The following SUPT3H variants were observed in gnomAD, a reference collection of about 807,000 sequenced individuals.
The protein encoded by SUPT3H is SPT3 homolog, SAGA and STAGA complex component, also known as transcription initiation protein SPT3 homolog.
SUPT3H carries 44 observed loss-of-function variants against 44.3 expected under a neutral mutation model. The observed-to-expected ratio is 0.99, with a 90% CI of 0.78 to 1.28. SUPT3H has a LOEUF of 1.28. Ranked by LOEUF, SUPT3H falls within the 50% of genes most tolerant of loss-of-function variation. The pLI is 0.00. For synonymous variants in SUPT3H, 124 were observed against 125.6 expected (o/e 0.99, Z 0.09); for missense variants, 380 against 387.1 (o/e 0.98, Z 0.15).
chr6:45,223,976 A>C (rs1048549437), intron 2 of SUPT3H, among the ~76,000 whole-genome samples: 1 of 149,152 alleles, frequency 6.7e-6, no homozygotes, highest in Non-Finnish European at 1.5e-5. Flanking sequence ...AAGCCTTAAT[A>C]AAATATATCT....
chr6:45,170,820 G>C (rs1810648412), intron 2 of SUPT3H, among the ~76,000 whole-genome samples: 1 of 152,076 alleles, frequency 6.6e-6, no homozygotes, highest in South Asian at 2.1e-4. Context: ...AAGAATGCTA[G>C]CATAATTTCT....
At chr6:45,063,215 C>A (rs375910907) in intron 3 of SUPT3H, among the ~76,000 whole-genome samples, 1 of 143,846 alleles carries the variant, frequency 7.0e-6, no homozygotes, top group African/African-American at 2.7e-5. Flanking sequence ...ACACCTCACA[C>A]GGCAGGGTAT....
At chr6:44,818,376 T>A (rs918137278) in intron 11 of SUPT3H, among the ~76,000 whole-genome samples, 2 of 151,878 alleles carry the variant, frequency 1.3e-5, no homozygotes, top group Non-Finnish European at 2.9e-5. Context: ...AAAGAAAACA[T>A]AGGAGAAAGA....
chr6:45,023,790 A>G (rs1400400231), intron 3 of SUPT3H, among the ~76,000 whole-genome samples: 1 of 152,166 alleles, frequency 6.6e-6, no homozygotes, highest in Non-Finnish European at 1.5e-5. Flanking sequence ...AGAAGAAAGG[A>G]TAACTCTTGG....
intron 2 of SUPT3H, among the ~76,000 whole-genome samples, chr6:45,313,760 G>A (rs1784316229): frequency 6.6e-6 from 1 of 151,436 alleles, no homozygotes; most frequent in Non-Finnish European, 1.5e-5. Context: ...CCACAAGATA[G>A]AGAAAGAGGG....
intron 3 of SUPT3H, chr6:45,098,530 A>T (rs1798109905): frequency 4.0e-6 from 1 of 251,866 alleles, no homozygotes; most frequent in Admixed American, 4.0e-5. Context: ...TCCTGGGTGA[A>T]AGGAGAGTAT....
At chr6:44,858,214 G>C (rs533610265) in intron 10 of SUPT3H, among the ~76,000 whole-genome samples, 8 of 152,298 alleles carry the variant, frequency 5.3e-5, no homozygotes, top group East Asian at 1.9e-4. Flanking sequence ...TGTGGCCCCA[G>C]TACCAGGCAG....
chr6:44,954,819 A>T (rs1292753562), intron 7 of SUPT3H, among the ~76,000 whole-genome samples: 3 of 152,016 alleles, frequency 2.0e-5, no homozygotes, highest in Non-Finnish European at 4.4e-5. Context: ...GTTTTCAACA[A>T]CTCTCTTACG....
intron 6 of SUPT3H, among the ~76,000 whole-genome samples, chr6:44,962,581 A>ATT (rs11372728): frequency 3.8e-4 from 57 of 150,012 alleles, no homozygotes; most frequent in Middle Eastern, 3.4e-3. Context: ...CTGAGATTTA[A>ATT]TTTTTTTTTT....
At chr6:45,241,598 T>C (rs951418958) in intron 2 of SUPT3H, among the ~76,000 whole-genome samples, 1 of 152,188 alleles carries the variant, frequency 6.6e-6, no homozygotes, top group African/African-American at 2.4e-5. Flanking sequence ...CTGAAGGCTG[T>C]GAGTCCCCTG....
chr6:44,953,562 T>G, intron 8 of SUPT3H, 145 bp from the exon 9 acceptor site: 1 of 626,792 alleles, frequency 1.6e-6, no homozygotes, highest in Non-Finnish European at 2.8e-6. Context: ...AGCACACACT[T>G]TCATTGACTG....
rs146649371 is a variant in SUPT3H, at chr6:45,241,489, G to A, written c.101+123712C>T. 6.2e-4 allele frequency among the ~76,000 whole-genome samples: 94 copies of A among 152,184 alleles called. 1 individual carries two copies. Among genetic ancestry groups the A allele is most frequent in the South Asian group, 3.9e-3 (19 of 4,820 alleles). On this transcript the variant is annotated intron_variant, in intron 2 of 10. Coordinates refer to ENST00000371459, the MANE Select transcript of SUPT3H (RefSeq NM_003599.4). ...TGTTTCGGCCCATCCCTTTTTTCCC[G>A]TAAGGAATACTTTTAATCTATAATC... is the stretch of plus-strand genomic sequence containing the variant.
intron 5 of SUPT3H, among the ~76,000 whole-genome samples, chr6:45,013,791 C>A (rs903932969): frequency 1.3e-5 from 2 of 151,934 alleles, no homozygotes; most frequent in African/African-American, 4.8e-5. Context: ...AAAATTGTTG[C>A]CCTAGAATAA....
chr6:44,867,083 C>G (rs938768588), intron 10 of SUPT3H, among the ~76,000 whole-genome samples: 3 of 151,844 alleles, frequency 2.0e-5, no homozygotes, highest in Non-Finnish European at 4.4e-5. Flanking sequence ...ACTATGATTA[C>G]TGAAATTTGG....
intron 3 of SUPT3H, among the ~76,000 whole-genome samples, chr6:45,058,204 ATG>A (rs778250382): frequency 6.6e-6 from 1 of 152,108 alleles, no homozygotes; most frequent in Non-Finnish European, 1.5e-5. Flanking sequence ...AAAATAATCC[ATG>A]TGAGATCAGA....
intron 2 of SUPT3H, among the ~76,000 whole-genome samples, chr6:45,250,703 AC>A (rs1471557207): frequency 6.6e-6 from 1 of 152,128 alleles, no homozygotes; most frequent in Non-Finnish European, 1.5e-5. Context: ...TGGAAAAAAC[AC>A]CCATCTCACA....
intron 10 of SUPT3H, among the ~76,000 whole-genome samples, chr6:44,878,732 T>C (rs563597063): frequency 2.2e-4 from 34 of 152,140 alleles, no homozygotes; most frequent in Middle Eastern, 3.4e-3. Context: ...ACCCAGCTTA[T>C]CTCATTGGGA....
chr6:45,033,807 T>A (rs1787303729), intron 3 of SUPT3H, among the ~76,000 whole-genome samples: 1 of 152,002 alleles, frequency 6.6e-6, no homozygotes, highest in African/African-American at 2.4e-5. Flanking sequence ...CCATCTTGAG[T>A]TAGTGTTCAG....
chr6:45,150,720 GTTTTTTTTT>G (rs11319902), intron 2 of SUPT3H, among the ~76,000 whole-genome samples: 1 of 99,294 alleles, frequency 1.0e-5, no homozygotes, highest in Non-Finnish European at 1.9e-5. Flanking sequence ...TTTATTCTGC[GTTTTTTTTT>G]TTTTTTTTTT....
Sources: allele counts gnomAD v4.1 joint callset (sites outside exome capture counted in the v4.1 genomes callset), GRCh38; gene constraint gnomAD v4.1.1; transcripts MANE v1.5; gene names NCBI Gene and HGNC (gene_info 2026-07-23, HGNC 2026-07-21).